The following EMCN variants were observed in gnomAD, a reference collection of about 807,000 sequenced individuals.
The protein encoded by EMCN is endomucin, also known as MUC-14.
A neutral mutation model predicts 38.4 loss-of-function variants in EMCN; 37 were observed. That is an observed-to-expected ratio of 0.96 (90% CI 0.74 to 1.27). The LOEUF (loss-of-function observed/expected upper bound fraction) is 1.27. EMCN is among the 50% of genes most tolerant of loss of function. The pLI is 0.00. For missense variants in EMCN, 318 were observed against 302.8 expected (o/e 1.05, Z -0.37); for synonymous variants, 95 against 100.8 (o/e 0.94, Z 0.35).
At chr4:100,468,286 T>C (rs921772660) in intron 3 of EMCN, among the ~76,000 whole-genome samples, 1 of 152,306 alleles carries the variant, frequency 6.6e-6, no homozygotes, top group African/African-American at 2.4e-5. Context: ...TTTATAATGA[T>C]CTTGGAATTG....
chr4:100,437,902 A>G (rs1365288388), intron 5 of EMCN, among the ~76,000 whole-genome samples: 2 of 151,914 alleles, frequency 1.3e-5, no homozygotes, highest in African/African-American at 2.4e-5. Context: ...GTTTTCATAC[A>G]TATTTTTGGA....
In EMCN at chr4:100,475,088, A is replaced by T; in HGVS notation, c.209T>A (p.Leu70His). Residue 70 changes from leucine (L) to histidine (H), a missense_variant, in exon 3 of 12, where the codon CTT becomes CAT. Leu to His is a moderately conservative substitution (Grantham distance 99, BLOSUM62 -3). Coordinates refer to ENST00000296420, the MANE Select transcript of EMCN (RefSeq NM_016242.4). ...AGCTGTTGACATCAGAGACATTTTAAGTAATTCATTGGTGATTGTTCCTAG... is the reference window on the plus strand; with the variant it reads ...AGCTGTTGACATCAGAGACATTTTATGTAATTCATTGGTGATTGTTCCTAG... The part of the protein sequence containing the change: ...TPKGTITNEL[L>H]KMSLMSTATF... 6.5e-7 allele frequency: 1 copy of T among 1,532,060 alleles called. No homozygotes were observed. The highest frequency in any genetic ancestry group is 2.3e-5 in the East Asian group (1 of 43,538). 94.9% of individuals were successfully genotyped at this position (1,532,060 alleles called of 1,614,324 possible).
At chr4:100,457,245 T>G (rs1247243193) in intron 4 of EMCN, among the ~76,000 whole-genome samples, 1 of 151,810 alleles carries the variant, frequency 6.6e-6, no homozygotes, top group Admixed American at 6.6e-5. Flanking sequence ...AATAAGATCA[T>G]GTCATCTGAG....
chr4:100,426,412 G>A (rs919146613), intron 5 of EMCN, among the ~76,000 whole-genome samples: 5 of 152,108 alleles, frequency 3.3e-5, no homozygotes, highest in African/African-American at 1.2e-4. Flanking sequence ...ATGCATGGCA[G>A]CCTAGATGCT....
At chr4:100,432,103 T>G (rs1290876313) in intron 5 of EMCN, among the ~76,000 whole-genome samples, 1 of 152,166 alleles carries the variant, frequency 6.6e-6, no homozygotes, top group African/African-American at 2.4e-5. Context: ...TATGCAATGT[T>G]TGCATTTATC....
chr4:100,431,718 TA>T (rs1727204654), intron 5 of EMCN, among the ~76,000 whole-genome samples: 1 of 40,366 alleles, frequency 2.5e-5, no homozygotes, highest in South Asian at 1.7e-3. Context: ...ATTCTTACAA[TA>T]CATCTCTCTC....
intron 11 of EMCN, among the ~76,000 whole-genome samples, chr4:100,407,939 T>C (rs1726441341): frequency 6.6e-6 from 1 of 152,214 alleles, no homozygotes; most frequent in Admixed American, 6.5e-5. Flanking sequence ...TCTATTTTCT[T>C]TATTTTTATC....
At chr4:100,511,962 G>A (rs1405315871) in intron 1 of EMCN, among the ~76,000 whole-genome samples, 1 of 152,202 alleles carries the variant, frequency 6.6e-6, no homozygotes, top group Non-Finnish European at 1.5e-5. Context: ...CTCATAGAAT[G>A]CTAATGCTCC....
At chr4:100,449,754 G>A (rs373298066) in intron 4 of EMCN, among the ~76,000 whole-genome samples, 4 of 151,852 alleles carry the variant, frequency 2.6e-5, no homozygotes, top group Non-Finnish European at 5.9e-5. Flanking sequence ...TATACATTAA[G>A]GTATAGCTGA....
At chr4:100,458,011 G>C (rs1728066326) in intron 4 of EMCN, among the ~76,000 whole-genome samples, 1 of 152,016 alleles carries the variant, frequency 6.6e-6, no homozygotes, top group Admixed American at 6.6e-5. Flanking sequence ...CAGCTACTCG[G>C]GAGGCTGATG....
At chr4:100,480,897 A>G (rs1309772423) in intron 1 of EMCN, among the ~76,000 whole-genome samples, 1 of 152,100 alleles carries the variant, frequency 6.6e-6, no homozygotes, top group African/African-American at 2.4e-5. Flanking sequence ...AAAGTGAAGT[A>G]TGTAAGATTT....
At chr4:100,453,847 A>G (rs558179917) in intron 4 of EMCN, among the ~76,000 whole-genome samples, 1 of 152,146 alleles carries the variant, frequency 6.6e-6, no homozygotes, top group African/African-American at 2.4e-5. Flanking sequence ...CAGCCATAAA[A>G]AATGATGAGT....
At chr4:100,423,129 C>CT in intron 6 of EMCN, 49 bp from the exon 7 acceptor site, 1 of 1,556,288 alleles carries the variant, frequency 6.4e-7, no homozygotes. Context: ...TGTGCCAATT[C>CT]TTGCAGTCCT....
At chr4:100,400,421 A>C (rs1726226041) in intron 11 of EMCN, among the ~76,000 whole-genome samples, 1 of 151,764 alleles carries the variant, frequency 6.6e-6, no homozygotes, top group Non-Finnish European at 1.5e-5. Context: ...ATCTCTAAGA[A>C]ATTTGCCACT....
rs1025245548 is a variant in EMCN at position 100,396,285 on chromosome 4, T to C, written c.*2128A>G. 6 of 152,182 alleles carry C rather than the reference T, an allele frequency of 3.9e-5. No individual in the cohort carries two copies. Among genetic ancestry groups the C allele is most frequent in the African/African-American group, 1.4e-4 (6 of 41,456 alleles). 9.4% of individuals were successfully genotyped at this position (152,182 alleles called of 1,614,324 possible). A position where few individuals can be genotyped will look rare whatever the true frequency, so the allele number is the denominator to read the frequency against. ...ATGCATATTCTTTGTGTGCACTTCT[T>C]GAACTAGAATAAATTTTATTCTTTT... On this transcript the variant is annotated 3_prime_UTR_variant, in exon 12 of 12. Coordinates refer to ENST00000296420, the MANE Select transcript of EMCN (RefSeq NM_016242.4).
chr4:100,456,250 T>C (rs924543777), intron 4 of EMCN, among the ~76,000 whole-genome samples: 1 of 152,188 alleles, frequency 6.6e-6, no homozygotes, highest in African/African-American at 2.4e-5. Context: ...TCTATTGTTA[T>C]GCATTCATGT....
At position 100,423,069 on chromosome 4, in the gene EMCN, C is replaced by T. The variant is rs1379988016; in HGVS notation, c.520G>A (p.Glu174Lys). The change falls in exon 7 of 12, where the codon GAG becomes AAG. Residue 174 changes from glutamate to lysine, a missense_variant. By Grantham distance (56) the Glu-to-Lys change is moderately conservative. Coordinates refer to ENST00000296420, the MANE Select transcript of EMCN (RefSeq NM_016242.4). ...GAAGTGCTTGCATTTTTTCCACCCT[C>T]AGTGCCTATTACTTTAAGAAAGAAA... ...NTSQSQVIGT[E>K]GGKNASTSAT... 6.2e-7 allele frequency: 1 copy of T among 1,612,950 alleles called. No homozygotes were observed. The highest frequency in any genetic ancestry group is 1.7e-5 in the Admixed American group (1 of 59,844).
intron 11 of EMCN, among the ~76,000 whole-genome samples, chr4:100,404,497 C>G (rs1162895947): frequency 6.6e-6 from 1 of 151,778 alleles, no homozygotes; most frequent in Non-Finnish European, 1.5e-5. Flanking sequence ...GTTACTGTAG[C>G]CTTGTAGTAT....
intron 1 of EMCN, among the ~76,000 whole-genome samples, chr4:100,492,292 C>T (rs1276234834): frequency 6.6e-6 from 1 of 151,950 alleles, no homozygotes; most frequent in African/African-American, 2.4e-5. Context: ...CAATAGAAAG[C>T]TCCAGCATCA....
Sources: allele counts gnomAD v4.1 joint callset (sites outside exome capture counted in the v4.1 genomes callset), GRCh38; gene constraint gnomAD v4.1.1; transcripts MANE v1.5; gene names NCBI Gene and HGNC (gene_info 2026-07-23, HGNC 2026-07-21).